The following TRABD variants were observed in gnomAD, a reference collection of about 807,000 sequenced individuals.
TRABD encodes the protein traB domain-containing protein.
In TRABD, 23 loss-of-function variants were observed where a neutral mutation model predicts 39.6. The observed-to-expected ratio is 0.58, with a 90% CI of 0.42 to 0.82. TRABD has a LOEUF of 0.82. TRABD is among the 40% of genes least tolerant of loss of function. The pLI is 0.00. For synonymous variants in TRABD, 243 were observed against 232.1 expected, an observed-to-expected ratio of 1.05 and a Z score of -0.43; for missense variants, 487 against 544.9, an observed-to-expected ratio of 0.89 and a Z score of 1.06.
intron 1 of TRABD, among the ~76,000 whole-genome samples, chr22:50,186,730 C>T (rs577848791): frequency 2.0e-5 from 3 of 152,340 alleles, no homozygotes; most frequent in Middle Eastern, 6.8e-3. Context: ...GTGCCTTTGC[C>T]CTTCAATTGG....
chr22:50,188,039 T>G (rs1176531750), intron 1 of TRABD, among the ~76,000 whole-genome samples: 1 of 151,534 alleles, frequency 6.6e-6, no homozygotes, highest in Non-Finnish European at 1.5e-5. Context: ...CCCAGCACTT[T>G]GGGAGGCCGA....
Position 50,197,224 on chromosome 22 carries a change from G to T in TRABD, c.421-17G>T. 1 of 1,609,408 alleles carries T rather than the reference G, an allele frequency of 6.2e-7. No individual in the cohort carries two copies. On this transcript the variant is annotated splice_polypyrimidine_tract_variant and intron_variant, in intron 5 of 9. Transcript: ENST00000380909. ...GCACCCGCCCCTCCAGCTGATGCCT[G>T]CTCCCTCTCTCTGCAGAACGGGCTC...
At chr22:50,187,247 G>A (rs562334556) in intron 1 of TRABD, among the ~76,000 whole-genome samples, 58 of 152,238 alleles carry the variant, frequency 3.8e-4, no homozygotes, top group Non-Finnish European at 7.1e-4. Flanking sequence ...TGGGAGGTTG[G>A]GGGCTGCCAG....
At chr22:50,186,447 G>C (rs1311656936) in intron 1 of TRABD, among the ~76,000 whole-genome samples, 3 of 152,140 alleles carry the variant, frequency 2.0e-5, no homozygotes, top group Non-Finnish European at 4.4e-5. Context: ...GCGCTGCCGA[G>C]GAGCGGAGCC....
Position 50,193,645 on chromosome 22 carries a change from C to G in TRABD, c.103C>G (p.Gln35Glu). The G allele has an allele frequency of 6.2e-7, 1 of 1,613,742 alleles. No homozygotes were observed. The highest frequency in any genetic ancestry group is 8.5e-7 in the Non-Finnish European group (1 of 1,179,910). The change falls in exon 3 of 10, where the codon CAG becomes GAG. Residue 35 changes from glutamine (Q) to glutamate (E), a missense_variant. By Grantham distance (29) the Gln-to-Glu change is conservative. Around this residue, in one of 3 missense-constraint regions of TRABD, gnomAD observed 358 missense variants for 414.7 expected, o/e 0.86. Transcript: ENST00000380909. Reference protein sequence around the residue: ...PVPRVLSGDPQNLSDVDAFNL... With the variant: ...PVPRVLSGDPENLSDVDAFNL... ...GCCCAGGGTGCTTTCTGGAGACCCC[C>G]AGAACCTGTGTACGTGTCCCTCAGG...
At chr22:50,186,120 G>GGT (rs1555898219) in intron 1 of TRABD, 144 bp downstream of exon 1, 2 of 142,718 alleles carry the variant, frequency 1.4e-5, no homozygotes, top group Admixed American at 6.8e-5. Context: ...GGGGCGGGGG[G>GGT]GGTCAGGCCC....
chr22:50,197,479 C>A lies in TRABD; in HGVS notation c.562C>A (p.Leu188Met). 6.2e-7 allele frequency: 1 copy of A among 1,613,876 alleles called. No homozygotes were observed. The highest frequency in any genetic ancestry group is 8.5e-7 in the Non-Finnish European group (1 of 1,180,014). Reference sequence around the variant, plus strand: ...CAAGGTGCCTTTCTGCAAGTTCCACCTGGGTGACCGACCCATCCCCGTCAC... The same window carrying A: ...CAAGGTGCCTTTCTGCAAGTTCCACATGGGTGACCGACCCATCCCCGTCAC... ...ASKVPFCKFH[L>M]GDRPIPVTFK... Residue 188 changes from leucine to methionine, a missense_variant, in exon 7 of 10, where the codon CTG (leucine) becomes ATG (methionine). Transcript: ENST00000380909.
At chr22:50,197,763 A>AGGCCCCCCCCCCCCCCCCCCAG in intron 7 of TRABD, 60 bp from the exon 8 acceptor site, 6 of 1,439,772 alleles carry the variant, frequency 4.2e-6, no homozygotes, top group Non-Finnish European at 4.9e-6. Flanking sequence ...CCACAGTGCC[A>AGGCCCCCCCCCCCCCCCCCCAG]GCCCCACCCC....
At chr22:50,194,066 C>G (rs2064008256) in intron 3 of TRABD, among the ~76,000 whole-genome samples, 1 of 152,242 alleles carries the variant, frequency 6.6e-6, no homozygotes, top group African/African-American at 2.4e-5. Flanking sequence ...ACCTCATCCA[C>G]AGCAACCCCC....
rs1173331528 is a variant in TRABD, at chr22:50,197,889, C to T, written c.738C>T (p.Gly246=). 1.2e-6 allele frequency: 2 copies of T among 1,611,516 alleles called. No homozygotes were observed. Among genetic ancestry groups the T allele is most frequent in the Non-Finnish European group, 1.7e-6 (2 of 1,179,544 alleles). Residue 246 remains glycine (G), a synonymous_variant, in exon 8 of 10, where the codon GGC becomes GGT. Coordinates refer to ENST00000380909, the MANE Select transcript of TRABD (RefSeq NM_001320485.2). Reference sequence around the variant, plus strand: ...AGCAGATGATGGCCGAGATGATTGGCGAGTTCCCAGACCTGCACCGCACCA... The same window carrying T: ...AGCAGATGATGGCCGAGATGATTGGTGAGTTCCCAGACCTGCACCGCACCA... ...LLEQMMAEMI[G]EFPDLHRTIV...
At chr22:50,194,194 G>A in intron 3 of TRABD, 146 bp from the exon 4 acceptor site, 4 of 1,025,304 alleles carry the variant, frequency 3.9e-6, no homozygotes, top group Non-Finnish European at 5.5e-6. Flanking sequence ...CAAAGCCTGT[G>A]GAGTGTGACG....
rs730559 is a variant in TRABD at position 50,194,619 on chromosome 22, T to A, written c.279+113T>A. 4.8e-6 allele frequency: 7 copies of A among 1,465,842 alleles called. No homozygotes were observed. The African/African-American group carries it at 5.7e-5, about 12-fold the overall frequency. 90.8% of individuals were successfully genotyped at this position (1,465,842 alleles called of 1,614,324 possible). A position where few individuals can be genotyped will look rare whatever the true frequency, so the allele number is the denominator to read the frequency against. On this transcript the variant is annotated intron_variant, in intron 4 of 9. Transcript: ENST00000380909. Reference sequence around the variant, plus strand: ...TGCCCGTGTGTGCGCACCGCAGGCCTCCTGCTTCAACACTGTGGTCCCTGG... The same window carrying A: ...TGCCCGTGTGTGCGCACCGCAGGCCACCTGCTTCAACACTGTGGTCCCTGG...
intron 1 of TRABD, among the ~76,000 whole-genome samples, chr22:50,190,293 C>T (rs554855103): frequency 2.1e-4 from 32 of 152,328 alleles, no homozygotes; most frequent in African/African-American, 7.7e-4. Flanking sequence ...GCTTGGCAGC[C>T]GGCCCAGGAA....
chr22:50,188,461 C>G (rs2063813277), intron 1 of TRABD, among the ~76,000 whole-genome samples: 1 of 152,152 alleles, frequency 6.6e-6, no homozygotes, highest in Non-Finnish European at 1.5e-5. Context: ...TCTCAGAGTT[C>G]TAGGGGCCGG....
At chr22:50,193,750 C>G in intron 3 of TRABD, 96 bp downstream of exon 3, 2 of 1,260,322 alleles carry the variant, frequency 1.6e-6, no homozygotes, top group South Asian at 1.2e-5. Context: ...GGGCTTGGAG[C>G]TTGTGGTGAG....
At chr22:50,187,185 C>T (rs1001953959) in intron 1 of TRABD, among the ~76,000 whole-genome samples, 5 of 152,214 alleles carry the variant, frequency 3.3e-5, no homozygotes, top group African/African-American at 4.8e-5. Context: ...GCCTGTGGGG[C>T]CCCCTGCATG....
At position 50,194,286 on chromosome 22, in the gene TRABD, G is replaced by A. The variant is rs577383957; in HGVS notation, c.113-54G>A. 128 of 1,583,010 alleles carry A rather than the reference G, an allele frequency of 8.1e-5. 2 individuals carry two copies. In the African/African-American group the frequency reaches 1.2e-3, roughly 15 times the overall value. On this transcript the variant is annotated intron_variant, in intron 3 of 9. Coordinates refer to ENST00000380909, the MANE Select transcript of TRABD (RefSeq NM_001320485.2). ...TAGAGCCCAGGCTGCCAGCGGGCCC[G>A]GCGGCGTCCTTGGGGTGGGCCCGGC...
Position 50,197,513 on chromosome 22 carries a change from G to C in TRABD, c.596G>C (p.Arg199Thr). ...GDRPIPVTFK[R>T]AIAALSFWQK... is the part of the protein sequence containing the mutation. Reference sequence around the variant, plus strand: ...CGACCCATCCCCGTCACCTTCAAGAGGGCCATCGCAGCGCTCTCCTTCTGG... The same window carrying C: ...CGACCCATCCCCGTCACCTTCAAGACGGCCATCGCAGCGCTCTCCTTCTGG... Residue 199 changes from arginine to threonine, a missense_variant, in exon 7 of 10, where the codon AGG becomes ACG. Arg to Thr is a moderately conservative substitution (Grantham distance 71, BLOSUM62 -1). Around this residue, in one of 3 missense-constraint regions of TRABD, gnomAD observed 358 missense variants for 414.7 expected, o/e 0.86. Transcript: ENST00000380909. 6.2e-7 allele frequency: 1 copy of C among 1,613,810 alleles called. No individual in the cohort carries two copies. The highest frequency in any genetic ancestry group is 8.5e-7 in the Non-Finnish European group (1 of 1,180,018).
chr22:50,186,777 C>T (rs1439959055), intron 1 of TRABD, among the ~76,000 whole-genome samples: 1 of 152,242 alleles, frequency 6.6e-6, no homozygotes, highest in African/African-American at 2.4e-5. Context: ...AAGTGGACGC[C>T]AGATCGTCCC....
Sources: allele counts gnomAD v4.1 joint callset (sites outside exome capture counted in the v4.1 genomes callset), GRCh38; gene constraint gnomAD v4.1.1; regional missense constraint gnomAD v4.1.1; transcripts MANE v1.5; gene names NCBI Gene and HGNC (gene_info 2026-07-23, HGNC 2026-07-21).